The following SMYD3 variants were observed in gnomAD, a reference collection of about 807,000 sequenced individuals.
The protein encoded by SMYD3 is SET and MYND domain containing 3, also known as histone-lysine N-methyltransferase SMYD3.
In SMYD3, 36 loss-of-function variants were observed where a neutral mutation model predicts 57.7. That is an observed-to-expected ratio of 0.62 (90% CI 0.48 to 0.82). The LOEUF (loss-of-function observed/expected upper bound fraction) is 0.82. SMYD3 is among the 40% of genes least tolerant of loss of function. The probability of loss-of-function intolerance (pLI) is 0.00; values close to 1 mark genes in which losing one functional copy is unlikely to be tolerated. For missense variants in SMYD3, 515 were observed against 538.8 expected (o/e 0.96, Z 0.44); for synonymous variants, 211 against 195.0 (o/e 1.08, Z -0.68).
chr1:246,138,210 C>T (rs147342791), intron 5 of SMYD3, among the ~76,000 whole-genome samples: 18 of 152,174 alleles, frequency 1.2e-4, no homozygotes, highest in African/African-American at 3.9e-4. Context: ...ATCCTCACTC[C>T]GCCCCGAGTG....
intron 5 of SMYD3, among the ~76,000 whole-genome samples, chr1:246,158,099 T>A (rs1016960820): frequency 1.3e-5 from 2 of 152,244 alleles, no homozygotes; most frequent in African/African-American, 2.4e-5. Context: ...GAATGAATTA[T>A]TAAAGCCTGC....
chr1:246,246,384 T>C (rs1481508293), intron 5 of SMYD3, among the ~76,000 whole-genome samples: 1 of 152,122 alleles, frequency 6.6e-6, no homozygotes, highest in Non-Finnish European at 1.5e-5. Context: ...AAAAATATAT[T>C]TTTCTACTGG....
chr1:246,147,731 C>T (rs933063216), intron 5 of SMYD3, among the ~76,000 whole-genome samples: 32 of 151,954 alleles, frequency 2.1e-4, no homozygotes, highest in African/African-American at 7.5e-4. Context: ...GATCTGCCCT[C>T]CAGGGTAGAG....
At chr1:246,497,523 A>G (rs1166708472) in intron 1 of SMYD3, among the ~76,000 whole-genome samples, 1 of 152,218 alleles carries the variant, frequency 6.6e-6, no homozygotes, top group Non-Finnish European at 1.5e-5. Flanking sequence ...TCTGATTAAG[A>G]GATAATGGGG....
At chr1:245,787,935 C>T (rs2047112938) in intron 10 of SMYD3, among the ~76,000 whole-genome samples, 1 of 152,194 alleles carries the variant, frequency 6.6e-6, no homozygotes, top group African/African-American at 2.4e-5. Context: ...TGGTCACATG[C>T]TCAACCTTGC....
At chr1:245,843,540 ATGTGTGTGTGTGTGTGTGTG>A (rs10531765) in intron 10 of SMYD3, among the ~76,000 whole-genome samples, 11 of 149,658 alleles carry the variant, frequency 7.4e-5, no homozygotes, top group South Asian at 2.1e-4. Flanking sequence ...GTATATATAT[ATGTGTGTGTGTGTGTGTGTG>A]TGTGTGTGTG....
chr1:245,988,138 ACACCG>A (rs2058742009), intron 5 of SMYD3, among the ~76,000 whole-genome samples: 2 of 125,982 alleles, frequency 1.6e-5, no homozygotes, highest in Admixed American at 8.3e-5. Context: ...ACACACACAC[ACACCG>A]CCACCCACAA....
chr1:246,444,352 C>T (rs1338284601), intron 1 of SMYD3, among the ~76,000 whole-genome samples: 1 of 152,118 alleles, frequency 6.6e-6, no homozygotes, highest in Admixed American at 6.5e-5. Flanking sequence ...TCTCAAACTC[C>T]TGACCTTGTG....
intron 10 of SMYD3, among the ~76,000 whole-genome samples, chr1:245,786,076 C>CTTTT (rs11457106): frequency 8.1e-6 from 1 of 123,258 alleles, no homozygotes. Context: ...AGAAGTTTTG[C>CTTTT]TTTTTTTTTT....
chr1:246,406,530 G>C (rs1287049601), intron 1 of SMYD3, among the ~76,000 whole-genome samples: 1 of 152,124 alleles, frequency 6.6e-6, no homozygotes, highest in African/African-American at 2.4e-5. Context: ...TAAAAAGCTT[G>C]TCCTTGCCTT....
chr1:246,025,267 G>C (rs1269798002), intron 5 of SMYD3, among the ~76,000 whole-genome samples: 3 of 148,270 alleles, frequency 2.0e-5, no homozygotes, highest in Non-Finnish European at 3.0e-5. Flanking sequence ...TCTAGGAAGG[G>C]AGATACAGCA....
intron 5 of SMYD3, among the ~76,000 whole-genome samples, chr1:246,016,254 T>C (rs77590601): frequency 7.4e-6 from 1 of 134,230 alleles, no homozygotes; most frequent in Non-Finnish European, 1.6e-5. Context: ...AAAAAAAAAA[T>C]AGAATAGTAA....
At chr1:245,877,712 G>A (rs923942638) in intron 8 of SMYD3, among the ~76,000 whole-genome samples, 3 of 152,206 alleles carry the variant, frequency 2.0e-5, no homozygotes, top group Non-Finnish European at 4.4e-5. Flanking sequence ...AGTGCATGGC[G>A]AAGCCTTCCG....
chr1:246,333,158 G>A (rs1008822565), intron 3 of SMYD3, among the ~76,000 whole-genome samples: 1 of 152,140 alleles, frequency 6.6e-6, no homozygotes, highest in Non-Finnish European at 1.5e-5. Context: ...CTTTACCAGT[G>A]GGAGGTCAAA....
chr1:246,331,172 A>G (rs918425498), intron 3 of SMYD3, among the ~76,000 whole-genome samples: 8 of 152,184 alleles, frequency 5.3e-5, no homozygotes, highest in African/African-American at 1.9e-4. Context: ...TCGGGAGCCT[A>G]CAATAATTTG....
intron 6 of SMYD3, among the ~76,000 whole-genome samples, chr1:245,929,608 T>C (rs2056599775): frequency 6.6e-6 from 1 of 152,244 alleles, no homozygotes; most frequent in Non-Finnish European, 1.5e-5. Context: ...CGTCCTCAAC[T>C]TCTTCACCCA....
intron 10 of SMYD3, among the ~76,000 whole-genome samples, chr1:245,825,852 G>T (rs2049454103): frequency 6.7e-6 from 1 of 149,176 alleles, no homozygotes; most frequent in Non-Finnish European, 1.5e-5. Flanking sequence ...TAAGTAACTT[G>T]CCCAAGGTCA....
intron 5 of SMYD3, among the ~76,000 whole-genome samples, chr1:245,998,525 G>A (rs2058974725): frequency 6.6e-6 from 1 of 152,132 alleles, no homozygotes; most frequent in Non-Finnish European, 1.5e-5. Flanking sequence ...GTAAATATTG[G>A]TGAGGATGTA....
At chr1:245,874,972 T>C (rs2052411605) in intron 8 of SMYD3, among the ~76,000 whole-genome samples, 1 of 152,134 alleles carries the variant, frequency 6.6e-6, no homozygotes, top group Non-Finnish European at 1.5e-5. Flanking sequence ...TCACCTCGTA[T>C]CCATGAGACA....
Sources: allele counts gnomAD v4.1 joint callset (sites outside exome capture counted in the v4.1 genomes callset), GRCh38; gene constraint gnomAD v4.1.1; transcripts MANE v1.5; gene names NCBI Gene and HGNC (gene_info 2026-07-23, HGNC 2026-07-21).